ETAA1: variants seen among roughly 807,000 people sequenced by gnomAD.
The protein encoded by ETAA1 is ETAA1 activator of ATR kinase.
A neutral mutation model predicts 76.8 loss-of-function variants in ETAA1; 49 were observed. The ratio of observed to expected loss-of-function variants is 0.64; its 90% CI spans 0.51 to 0.81. The LOEUF (loss-of-function observed/expected upper bound fraction) is 0.81. Ranked by LOEUF, ETAA1 falls within the 30% of genes least tolerant of loss-of-function variation. The probability of loss-of-function intolerance (pLI) is 0.00; values close to 1 mark genes in which losing one functional copy is unlikely to be tolerated. For missense variants in ETAA1, 1,099 were observed against 1,074.0 expected, an observed-to-expected ratio of 1.02 and a Z score of -0.32; for synonymous variants, 373 against 372.2, an observed-to-expected ratio of 1.00 and a Z score of -0.03.
At chr2:67,399,096 G>C (rs1162237315) in intron 1 of ETAA1, 73 bp from the exon 2 acceptor site, 2 of 1,355,608 alleles carry the variant, frequency 1.5e-6, no homozygotes, top group Non-Finnish European at 2.0e-6. Context: ...TCAGCTATTT[G>C]ACCTTGGGGT....
At position 67,403,359 on chromosome 2, in the gene ETAA1, A is replaced by G. The variant is rs1168587114; in HGVS notation, c.677A>G (p.Glu226Gly). ...YDFTQMISET[E>G]ILSNYKDNIQ... ...TTTACCCAGATGATTTCAGAAACAG[A>G]GATTTTAAGTAATTATAAAGATAAT... The change falls in exon 5 of 6, where the codon GAG (glutamate) becomes GGG (glycine). Residue 226 changes from glutamate (E) to glycine (G), a missense_variant. Physicochemically the swap from Glu to Gly is moderately conservative, Grantham distance 98. Around this residue, in one of 3 missense-constraint regions of ETAA1, gnomAD observed 761 missense variants for 731.9 expected, o/e 1.04. Coordinates refer to ENST00000272342, the MANE Select transcript of ETAA1 (RefSeq NM_019002.4). 6.2e-7 allele frequency: 1 copy of G among 1,604,764 alleles called. No homozygotes were observed. The highest frequency in any genetic ancestry group is 8.5e-7 in the Non-Finnish European group (1 of 1,172,532).
rs745892449 is a variant in ETAA1, at chr2:67,399,179, A to G, written c.234A>G (p.Glu78=). 1 of 1,611,214 alleles carries G rather than the reference A, an allele frequency of 6.2e-7. No homozygotes were observed. The highest frequency in any genetic ancestry group is 2.2e-5 in the East Asian group (1 of 44,816). The part of the protein sequence containing the change: ...CSKSNPEERY[E]TPKRALKMDS... ...TCATATTTTATATAGAAAGGTATGAAACACCAAAGAGAGCGCTGAAAATGG... is the reference window on the plus strand; with the variant it reads ...TCATATTTTATATAGAAAGGTATGAGACACCAAAGAGAGCGCTGAAAATGG... Residue 78 remains glutamate, a synonymous_variant, in exon 2 of 6, where the codon GAA becomes GAG. Transcript: ENST00000272342.
chr2:67,399,525 T>G lies in ETAA1; in HGVS notation c.353-25T>G, dbSNP rs745860769. 3 of 1,539,582 alleles carry G rather than the reference T, an allele frequency of 1.9e-6. No homozygotes were observed. The South Asian group carries it at 3.5e-5, about 18-fold the overall frequency. On this transcript the variant is annotated intron_variant, in intron 2 of 5. Coordinates refer to ENST00000272342, the MANE Select transcript of ETAA1 (RefSeq NM_019002.4). ...AATGGAGGGTTTTTTGTTTAAAATT[T>G]ATAGAAATGTCTTTGTTTCTTTAGG...
At chr2:67,406,257 T>G (rs1385892695) in intron 5 of ETAA1, among the ~76,000 whole-genome samples, 1 of 152,160 alleles carries the variant, frequency 6.6e-6, no homozygotes, top group East Asian at 1.9e-4. Context: ...ATGTTTTTCT[T>G]CCTTGTCCAG....
At position 67,397,607 on chromosome 2, in the gene ETAA1, C is replaced by T. The variant is rs182131786; in HGVS notation, c.159C>T (p.Pro53=). ...SWPCGAREGP[P]GPVRQREQPP... is the part of the protein sequence containing the mutation. ...CCTGCGGGGCTAGAGAGGGGCCTCC[C>T]GGGCCAGTGCGGCAGCGAGAGCAGC... Residue 53 remains proline, a synonymous_variant, in exon 1 of 6, where the codon CCC becomes CCT. Transcript: ENST00000272342. 8.8e-5 allele frequency: 136 copies of T among 1,549,312 alleles called. No individual in the cohort carries two copies. The African/African-American group carries it at 1.7e-3, about 20-fold the overall frequency.
intron 3 of ETAA1, among the ~76,000 whole-genome samples, chr2:67,400,065 CACTT>C (rs1676010245): frequency 1.3e-5 from 2 of 152,280 alleles, no homozygotes; most frequent in South Asian, 2.1e-4. Flanking sequence ...TATCAAGAAA[CACTT>C]ACAAAAGTGG....
At chr2:67,409,882 G>C in intron 5 of ETAA1, 29 bp from the exon 6 acceptor site, 1 of 1,578,406 alleles carries the variant, frequency 6.3e-7, no homozygotes, top group Non-Finnish European at 8.6e-7. Context: ...GGCTATAAAA[G>C]TAAAACTCAT....
At position 67,404,350 on chromosome 2, in the gene ETAA1, A is replaced by G; in HGVS notation, c.1668A>G (p.Leu556=). 2 of 1,613,190 alleles carry G rather than the reference A, an allele frequency of 1.2e-6. No homozygotes were observed. The highest frequency in any genetic ancestry group is 1.7e-6 in the Non-Finnish European group (2 of 1,179,418). ...CTGATCTTTTTGGCTCTGCAAATCT[A>G]GGCAGTAAAACCAGTGTTAGTAACC... ...VNTDLFGSAN[L]GSKTSVSNPN... is the part of the protein sequence containing the mutation. Residue 556 remains leucine (L), a synonymous_variant, in exon 5 of 6, where the codon CTA becomes CTG. Coordinates refer to ENST00000272342, the MANE Select transcript of ETAA1 (RefSeq NM_019002.4).
Position 67,404,966 on chromosome 2 carries a change from C to G in ETAA1, c.2284C>G (p.Gln762Glu). The change falls in exon 5 of 6, where the codon CAA (glutamine) becomes GAA (glutamate). Residue 762 changes from glutamine (Q) to glutamate (E), a missense_variant. Physicochemically the swap from Gln to Glu is conservative, Grantham distance 29. Around this residue, in one of 3 missense-constraint regions of ETAA1, gnomAD observed 302 missense variants for 278.1 expected, o/e 1.09. Transcript: ENST00000272342. ...TTATACTAACACTGATGTTCCAATA[C>G]AAGTGAATAGTTCCAAATTGGTTCT... is the stretch of plus-strand genomic sequence containing the variant. ...VSYTNTDVPI[Q>E]VNSSKLVLPG... 6.2e-7 allele frequency: 1 copy of G among 1,612,776 alleles called. No individual in the cohort carries two copies. The highest frequency in any genetic ancestry group is 1.1e-5 in the South Asian group (1 of 91,032).
chr2:67,403,487 A>G lies in ETAA1; in HGVS notation c.805A>G (p.Ser269Gly), dbSNP rs1474196622. 4 of 1,613,400 alleles carry G rather than the reference A, an allele frequency of 2.5e-6. No homozygotes were observed. The African/African-American group carries it at 4.0e-5, about 16-fold the overall frequency. Residue 269 changes from serine (S) to glycine (G), a missense_variant, in exon 5 of 6, where the codon AGC becomes GGC. By Grantham distance (56) the Ser-to-Gly change is moderately conservative. Transcript: ENST00000272342. ...TKISVANNQN[S>G]SQKPFDQIAE... ...GATATCTGTGGCAAATAATCAAAAT[A>G]GCAGTCAGAAGCCATTTGACCAAAT...
chr2:67,407,362 G>A (rs756574137), intron 5 of ETAA1, among the ~76,000 whole-genome samples: 1 of 151,956 alleles, frequency 6.6e-6, no homozygotes, highest in Admixed American at 6.6e-5. Context: ...TGCGGGCTGC[G>A]GGTTGGACAA....
Position 67,404,476 on chromosome 2 carries a change from T to C in ETAA1, c.1794T>C (p.Asn598=), listed in dbSNP as rs763207704. 4 of 1,613,258 alleles carry C rather than the reference T, an allele frequency of 2.5e-6. No individual in the cohort carries two copies. Among genetic ancestry groups the C allele is most frequent in the South Asian group, 2.2e-5 (2 of 91,060 alleles). ...EIIKACHQLD[N]TWEADDVDDD... ...TTAAAGCATGTCATCAATTAGATAATACCTGGGAAGCAGATGATGTAGATG... is the reference window on the plus strand; with the variant it reads ...TTAAAGCATGTCATCAATTAGATAACACCTGGGAAGCAGATGATGTAGATG... The change falls in exon 5 of 6, where the codon AAT becomes AAC. Residue 598 remains asparagine, a synonymous_variant. Transcript: ENST00000272342.
intron 1 of ETAA1, among the ~76,000 whole-genome samples, chr2:67,398,854 C>G (rs1675973780): frequency 1.3e-5 from 2 of 152,154 alleles, no homozygotes; most frequent in African/African-American, 4.8e-5. Context: ...CTATAAATTA[C>G]AGATGGTTCC....
chr2:67,405,346 A>C lies in ETAA1; in HGVS notation c.2653+11A>C, dbSNP rs1246988823. ...AACAATCTTCAAAAGGTATGTATGA[A>C]ATATGAAATAGTTTTCTTTGAAAAG... is the stretch of plus-strand genomic sequence containing the variant. On this transcript the variant is annotated intron_variant, in intron 5 of 5. Coordinates refer to ENST00000272342, the MANE Select transcript of ETAA1 (RefSeq NM_019002.4). 1.3e-6 allele frequency: 2 copies of C among 1,494,484 alleles called. No homozygotes were observed. Among genetic ancestry groups the C allele is most frequent in the Non-Finnish European group, 1.8e-6 (2 of 1,122,476 alleles). 92.6% of individuals were successfully genotyped at this position (1,494,484 alleles called of 1,614,324 possible). A position where few individuals can be genotyped will look rare whatever the true frequency, so the allele number is the denominator to read the frequency against.
Position 67,397,462 on chromosome 2 carries a change from G to A in ETAA1, c.14G>A (p.Arg5Lys). Residue 5 changes from arginine (R) to lysine (K), a missense_variant, in exon 1 of 6, where the codon AGG becomes AAG. By Grantham distance (26) the Arg-to-Lys change is conservative (BLOSUM62 2). This residue lies in a region of ETAA1 where 761 missense variants were observed against 731.9 expected (regional missense o/e 1.04). Transcript: ENST00000272342. Reference protein sequence around the residue: MSRRRKHDDSPSPKK... With the variant: MSRRKKHDDSPSPKK... ...GGGCCATAGGCAATGAGTCGGCGAA[G>A]GAAACATGATGACAGCCCTAGCCCG... 1 of 1,598,432 alleles carries A rather than the reference G, an allele frequency of 6.3e-7. No homozygotes were observed. Among genetic ancestry groups the A allele is most frequent in the Non-Finnish European group, 8.5e-7 (1 of 1,172,432 alleles).
chr2:67,399,038 G>C lies in ETAA1; in HGVS notation c.224-131G>C, dbSNP rs1251316618. 3 of 780,976 alleles carry C rather than the reference G, an allele frequency of 3.8e-6. No individual in the cohort carries two copies. In the African/African-American group the frequency reaches 5.3e-5, roughly 14 times the overall value. The allele number at this position is 780,976 out of a possible 1,614,324, so 48.4% of individuals were successfully genotyped here. A position where few individuals can be genotyped will look rare whatever the true frequency, so the allele number is the denominator to read the frequency against. On this transcript the variant is annotated intron_variant, in intron 1 of 5. Coordinates refer to ENST00000272342, the MANE Select transcript of ETAA1 (RefSeq NM_019002.4). Reference sequence around the variant, plus strand: ...AACAAGCATTTCTGTTACGGTTCAGGTAATTATCTCTGGGAAAAAAAATTA... The same window carrying C: ...AACAAGCATTTCTGTTACGGTTCAGCTAATTATCTCTGGGAAAAAAAATTA...
At position 67,397,416 on chromosome 2, in the gene ETAA1, G is replaced by C; in HGVS notation, c.-33G>C. ...ACTCATCCCTTTGCAAAATGTGAAA[G>C]AAGAAGCGGCTGGTGGAGGCGGGCC... On this transcript the variant is annotated 5_prime_UTR_variant, in exon 1 of 6. Transcript: ENST00000272342. 6.4e-7 allele frequency: 1 copy of C among 1,560,752 alleles called. No individual in the cohort carries two copies. Among genetic ancestry groups the C allele is most frequent in the Admixed American group, 1.9e-5 (1 of 52,414 alleles).
At chr2:67,407,833 C>T (rs76176812) in intron 5 of ETAA1, among the ~76,000 whole-genome samples, 4 of 151,498 alleles carry the variant, frequency 2.6e-5, no homozygotes, top group African/African-American at 7.3e-5. Context: ...TCTAGTAGGC[C>T]GAGAAGGAAG....
At position 67,411,475 on chromosome 2, in the gene ETAA1, T is replaced by C. The variant is rs1461220171; in HGVS notation, c.*1437T>C. 6.6e-6 allele frequency: 1 copy of C among 152,026 alleles called. No homozygotes were observed. The highest frequency in any genetic ancestry group is 1.5e-5 in the Non-Finnish European group (1 of 68,006). 9.4% of individuals were successfully genotyped at this position (152,026 alleles called of 1,614,324 possible). A position where few individuals can be genotyped will look rare whatever the true frequency, so the allele number is the denominator to read the frequency against. On this transcript the variant is annotated 3_prime_UTR_variant, in exon 6 of 6. Transcript: ENST00000272342. ...TTAGCCTACCTTAAACATGCTCAAA[T>C]CACTTATATTAGCCTAGAGTTGGGC...
Sources: gnomAD v4.1 joint callset for allele counts (sites outside exome capture counted in the v4.1 genomes callset) on GRCh38, gnomAD v4.1.1 for gene constraint, gnomAD v4.1.1 regional missense constraint, MANE v1.5 for transcripts, NCBI Gene and HGNC (gene_info 2026-07-23, HGNC 2026-07-21) for gene names.